Variants in RARB observed in about 807,000 individuals in gnomAD.
RARB encodes the protein retinoic acid receptor beta, also known as HBV-activated protein.
In RARB, 17 loss-of-function variants were observed where a neutral mutation model predicts 51.9. That is an observed-to-expected ratio of 0.33 (90% CI 0.22 to 0.49). RARB has a LOEUF of 0.49. Among genes scored for constraint, RARB ranks in the 20% least tolerant of loss-of-function variants. The probability of loss-of-function intolerance (pLI) is 0.99; values close to 1 mark genes in which losing one functional copy is unlikely to be tolerated. For missense variants in RARB, 369 were observed against 550.8 expected (o/e 0.67, Z 3.30); for synonymous variants, 215 against 195.4 (o/e 1.10, Z -0.84).
intron 2 of RARB, among the ~76,000 whole-genome samples, chr3:24,878,655 C>T (rs1048860134): frequency 1.3e-5 from 2 of 152,112 alleles, no homozygotes; most frequent in Non-Finnish European, 2.9e-5. Flanking sequence ...GCCATAAGCA[C>T]CCCCTAATTG....
At chr3:24,906,361 T>G (rs527499666) in intron 2 of RARB, among the ~76,000 whole-genome samples, 1 of 152,196 alleles carries the variant, frequency 6.6e-6, no homozygotes, top group African/African-American at 2.4e-5. Context: ...GAATGAAAAT[T>G]CAGAATGCTT....
intron 5 of RARB, among the ~76,000 whole-genome samples, chr3:25,348,333 G>A (rs113330095): frequency 6.6e-6 from 1 of 151,860 alleles, no homozygotes; most frequent in African/African-American, 2.4e-5. Context: ...AATTTATTTT[G>A]GTACTCACTA....
chr3:25,332,628 AC>A (rs1351127143), intron 5 of RARB, among the ~76,000 whole-genome samples: 1 of 151,990 alleles, frequency 6.6e-6, no homozygotes, highest in Non-Finnish European at 1.5e-5. Context: ...GACAGGGATG[AC>A]CTCTCTCACC....
chr3:25,124,601 G>A (rs1575171526), intron 3 of RARB, among the ~76,000 whole-genome samples: 1 of 152,152 alleles, frequency 6.6e-6, no homozygotes, highest in South Asian at 2.1e-4. Context: ...CTTGGAAACA[G>A]CAGTATTTCA....
At chr3:25,338,773 C>T (rs985844888) in intron 5 of RARB, among the ~76,000 whole-genome samples, 2 of 152,108 alleles carry the variant, frequency 1.3e-5, no homozygotes, top group Non-Finnish European at 2.9e-5. Context: ...ACTAATACAA[C>T]TCTAATGGTT....
chr3:25,553,402 G>T (rs1352861131), intron 3 of RARB, among the ~76,000 whole-genome samples: 1 of 152,132 alleles, frequency 6.6e-6, no homozygotes, highest in Non-Finnish European at 1.5e-5. Flanking sequence ...CTTCATCTCT[G>T]TGTGATTTAG....
chr3:25,047,573 G>A (rs1235243694), intron 2 of RARB, among the ~76,000 whole-genome samples: 1 of 152,178 alleles, frequency 6.6e-6, no homozygotes, highest in African/African-American at 2.4e-5. Context: ...GTGTACATGG[G>A]GAAATGAAGG....
chr3:25,468,567 C>T (rs1695547999), intron 2 of RARB, among the ~76,000 whole-genome samples: 2 of 151,944 alleles, frequency 1.3e-5, no homozygotes, highest in South Asian at 2.1e-4. Flanking sequence ...AAAAAAACAC[C>T]CCACTGCTTC....
At chr3:25,233,914 C>T (rs1286583525) in intron 5 of RARB, among the ~76,000 whole-genome samples, 1 of 151,822 alleles carries the variant, frequency 6.6e-6, no homozygotes, top group East Asian at 1.9e-4. Context: ...ATCCTTGTGT[C>T]CCCAGAATAA....
chr3:25,163,413 G>A (rs1179341172), intron 4 of RARB, among the ~76,000 whole-genome samples: 4 of 151,338 alleles, frequency 2.6e-5, no homozygotes, highest in African/African-American at 9.7e-5. Flanking sequence ...GCTGAGGCAG[G>A]AGGATTGCTT....
chr3:25,383,363 G>C (rs1706687353), intron 5 of RARB, among the ~76,000 whole-genome samples: 1 of 152,168 alleles, frequency 6.6e-6, no homozygotes, highest in South Asian at 2.1e-4. Flanking sequence ...CCTCAGCAGG[G>C]AAGCCCCTTT....
intron 5 of RARB, among the ~76,000 whole-genome samples, chr3:25,255,119 C>T (rs915489591): frequency 1.3e-5 from 2 of 152,172 alleles, no homozygotes; most frequent in Non-Finnish European, 2.9e-5. Flanking sequence ...AACACTCACA[C>T]ATTTCTTTAC....
At chr3:25,274,538 G>A (rs1379404534) in intron 5 of RARB, among the ~76,000 whole-genome samples, 1 of 152,196 alleles carries the variant, frequency 6.6e-6, no homozygotes, top group Admixed American at 6.5e-5. Context: ...ACAAATTTCT[G>A]GAGCCTGGCT....
chr3:25,162,600 A>C (rs1285694046), intron 4 of RARB, among the ~76,000 whole-genome samples: 1 of 152,150 alleles, frequency 6.6e-6, no homozygotes, highest in South Asian at 2.1e-4. Context: ...TCCCTCTAGC[A>C]CCTGACAACT....
intron 2 of RARB, among the ~76,000 whole-genome samples, chr3:24,862,712 G>A (rs1026461626): frequency 2.0e-5 from 3 of 152,172 alleles, no homozygotes; most frequent in Non-Finnish European, 2.9e-5. Context: ...GTCTTGGAAT[G>A]TATGCCCCAC....
intron 4 of RARB, among the ~76,000 whole-genome samples, chr3:25,157,386 A>ATG (rs1425655029): frequency 8.2e-5 from 9 of 109,250 alleles, no homozygotes; most frequent in Admixed American, 8.2e-5. Context: ...GTGTGTATAT[A>ATG]TATGGTTTTT....
intron 1 of RARB, among the ~76,000 whole-genome samples, chr3:25,435,106 C>T (rs962464117): frequency 6.6e-6 from 1 of 152,216 alleles, no homozygotes; most frequent in Non-Finnish European, 1.5e-5. Flanking sequence ...CCTCAGTCCA[C>T]TGCTGTCTTA....
chr3:24,999,495 A>C (rs534842248), intron 2 of RARB, among the ~76,000 whole-genome samples: 1 of 152,290 alleles, frequency 6.6e-6, no homozygotes, highest in South Asian at 2.1e-4. Flanking sequence ...TTAAGAAATC[A>C]AAGCCTACCA....
chr3:25,030,870 A>G (rs1362094723), intron 2 of RARB, among the ~76,000 whole-genome samples: 1 of 152,206 alleles, frequency 6.6e-6, no homozygotes, highest in Non-Finnish European at 1.5e-5. Context: ...TTAGATACAA[A>G]ACAAAATCAA....
Sources: allele counts gnomAD v4.1 joint callset (sites outside exome capture counted in the v4.1 genomes callset), GRCh38; gene constraint gnomAD v4.1.1; transcripts MANE v1.5; gene names NCBI Gene and HGNC (gene_info 2026-07-23, HGNC 2026-07-21).